Variants in UCK2 observed in about 807,000 individuals in gnomAD.
UCK2 encodes the protein uridine-cytidine kinase 2.
Under a neutral mutation model 30.8 loss-of-function variants are expected in UCK2, and 6 were observed. The observed-to-expected ratio is 0.19, with a 90% confidence interval of 0.11 to 0.38. The LOEUF is 0.38. Ranked by LOEUF, UCK2 falls within the 10% of genes least tolerant of loss-of-function variation. UCK2 has a pLI of 1.00. For missense variants in UCK2, 210 were observed against 339.8 expected (o/e 0.62, Z 3.00); for synonymous variants, 125 against 133.6 (o/e 0.94, Z 0.45).
At chr1:165,829,714 A>G (rs1319850686) in intron 1 of UCK2, among the ~76,000 whole-genome samples, 1 of 152,176 alleles carries the variant, frequency 6.6e-6, no homozygotes, top group East Asian at 1.9e-4. Context: ...TACTTGGGTA[A>G]AGTGAGGGAT....
chr1:165,888,435 G>T (rs1655677167), intron 1 of UCK2, among the ~76,000 whole-genome samples: 1 of 151,950 alleles, frequency 6.6e-6, no homozygotes, highest in South Asian at 2.1e-4. Context: ...GGGACTACAG[G>T]CATGTGCCAC....
At chr1:165,872,218 G>A (rs1655213724) in intron 1 of UCK2, among the ~76,000 whole-genome samples, 1 of 152,144 alleles carries the variant, frequency 6.6e-6, no homozygotes, top group African/African-American at 2.4e-5. Context: ...GGGATCATAG[G>A]TGTGTGCCAC....
chr1:165,899,907 G>A (rs1285930352), intron 4 of UCK2, among the ~76,000 whole-genome samples: 1 of 152,180 alleles, frequency 6.6e-6, no homozygotes, highest in Non-Finnish European at 1.5e-5. Flanking sequence ...GGGGAGCAGA[G>A]GTGGGCAAGG....
chr1:165,871,467 T>C (rs1655195330), intron 1 of UCK2, among the ~76,000 whole-genome samples: 1 of 152,126 alleles, frequency 6.6e-6, no homozygotes, highest in African/African-American at 2.4e-5. Flanking sequence ...CTGCAGGTCT[T>C]TTGTAACGCT....
At chr1:165,904,625 G>A (rs1166274819) in intron 5 of UCK2, among the ~76,000 whole-genome samples, 1 of 152,216 alleles carries the variant, frequency 6.6e-6, no homozygotes, top group Non-Finnish European at 1.5e-5. Context: ...CCACTGTCCA[G>A]CCACTCTTTG....
rs1336496227 is a variant in UCK2 at position 165,861,634 on chromosome 1, AAAAAAAAAAAAAAAAC to A, written c.100-28560_100-28545del. On this transcript the variant is annotated intron_variant, in intron 1 of 6. Coordinates refer to ENST00000367879, the MANE Select transcript of UCK2 (RefSeq NM_012474.5). ...CAGAGCGAGACTCCGTCTCAAAAAA[AAAAAAAAAAAAAAAAC>A]AAAAAAAAACAACAGTAAAACTCAA... Among the ~76,000 whole-genome samples the A allele has an allele frequency of 1.8e-3, 180 of 97,392 alleles. 9 individuals are homozygous for A. The East Asian group carries it at 0.024, about 13-fold the overall frequency. The allele number at this position is 97,392 out of a possible 152,430, so 63.9% of individuals were successfully genotyped here. A position where few individuals can be genotyped will look rare whatever the true frequency, so the allele number is the denominator to read the frequency against.
At chr1:165,874,347 C>T (rs989156091) in intron 1 of UCK2, among the ~76,000 whole-genome samples, 2 of 152,098 alleles carry the variant, frequency 1.3e-5, no homozygotes, top group Admixed American at 6.5e-5. Context: ...AGAAAAGACC[C>T]GGAGGTATCA....
At position 165,891,460 on chromosome 1, in the gene UCK2, G is replaced by T. The variant is rs1416672797; in HGVS notation, c.356+138G>T. 7.6e-5 allele frequency: 55 copies of T among 721,864 alleles called. 1 individual carries two copies. The highest frequency in any genetic ancestry group is 7.1e-5 in the African/African-American group (4 of 56,140). 44.7% of individuals were successfully genotyped at this position (721,864 alleles called of 1,614,324 possible). A position where few individuals can be genotyped will look rare whatever the true frequency, so the allele number is the denominator to read the frequency against. On this transcript the variant is annotated intron_variant, in intron 3 of 6. Transcript: ENST00000367879. ...TGCCTAATGCCATTCCAGCTGGTCA[G>T]TGGAGTGGGTGGTGGCAGCAGTGTG...
At chr1:165,877,606 T>G (rs535936065) in intron 1 of UCK2, among the ~76,000 whole-genome samples, 20 of 152,232 alleles carry the variant, frequency 1.3e-4, no homozygotes, top group Non-Finnish European at 2.4e-4. Context: ...TCATTCGTTT[T>G]TATTGCTGAG....
chr1:165,900,912 C>T (rs1404376431), intron 4 of UCK2, among the ~76,000 whole-genome samples: 2 of 152,212 alleles, frequency 1.3e-5, no homozygotes, highest in African/African-American at 2.4e-5. Context: ...TTTTCCCTAG[C>T]TCTGATACCC....
chr1:165,907,967 TC>T lies in UCK2; in HGVS notation c.*145del. On this transcript the variant is annotated 3_prime_UTR_variant, in exon 7 of 7. Transcript: ENST00000367879. ...GATGAAATGCCTTTGATTTTTTTTT[TC>T]TTTTTGTACTTTGGAACGACAAAAT... The T allele has an allele frequency of 7.9e-7, 1 of 1,264,178 alleles. No homozygotes were observed. The highest frequency in any genetic ancestry group is 2.6e-5 in the East Asian group (1 of 37,934). The allele number at this position is 1,264,178 out of a possible 1,614,324, so 78.3% of individuals were successfully genotyped here. A position where few individuals can be genotyped will look rare whatever the true frequency, so the allele number is the denominator to read the frequency against.
chr1:165,863,255 G>A (rs1443313321), intron 1 of UCK2, among the ~76,000 whole-genome samples: 1 of 152,240 alleles, frequency 6.6e-6, no homozygotes, highest in Non-Finnish European at 1.5e-5. Context: ...TCTGCACAGA[G>A]TGGGCAGCTT....
intron 1 of UCK2, among the ~76,000 whole-genome samples, chr1:165,882,224 T>G (rs1021588151): frequency 6.6e-6 from 1 of 152,208 alleles, no homozygotes; most frequent in East Asian, 1.9e-4. Context: ...CCCTACCCTT[T>G]AAAACTCACA....
At chr1:165,885,280 G>C (rs575728819) in intron 1 of UCK2, 2 of 397,516 alleles carry the variant, frequency 5.0e-6, no homozygotes, top group African/African-American at 2.1e-5. Context: ...CATTTCACGT[G>C]ATCAATTTTC....
intron 1 of UCK2, among the ~76,000 whole-genome samples, chr1:165,843,185 A>G (rs1654372044): frequency 6.6e-6 from 1 of 151,566 alleles, no homozygotes; most frequent in South Asian, 2.1e-4. Context: ...AGAATATTGT[A>G]GCTGCTCAAA....
In UCK2 at chr1:165,861,657, AAACAAC is replaced by A. The variant is rs1156996817; in HGVS notation, c.100-28545_100-28540del. ...AAAAAAAAAAAAAAAAAACAAAAAA[AAACAAC>A]AGTAAAACTCAATAGCTCTGGTTTA... On this transcript the variant is annotated intron_variant, in intron 1 of 6. Transcript: ENST00000367879. Among the ~76,000 whole-genome samples, 26 of 55,796 alleles carry A rather than the reference AAACAAC, an allele frequency of 4.7e-4. 5 individuals carry two copies. Among genetic ancestry groups the A allele is most frequent in the African/African-American group, 1.4e-3 (19 of 13,150 alleles). 36.6% of individuals were successfully genotyped at this position (55,796 alleles called of 152,430 possible). A position where few individuals can be genotyped will look rare whatever the true frequency, so the allele number is the denominator to read the frequency against.
At chr1:165,844,690 G>A (rs561375601) in intron 1 of UCK2, among the ~76,000 whole-genome samples, 8 of 152,276 alleles carry the variant, frequency 5.3e-5, no homozygotes, top group African/African-American at 1.7e-4. Flanking sequence ...AGAGGGAGAG[G>A]GGGGCTGAAG....
At chr1:165,828,334 G>A (rs1219602118) in intron 1 of UCK2, among the ~76,000 whole-genome samples, 1 of 152,172 alleles carries the variant, frequency 6.6e-6, no homozygotes, top group African/African-American at 2.4e-5. Context: ...CTCAAGCCCC[G>A]GTCTGGCACA....
At chr1:165,901,077 T>A (rs557539081) in intron 4 of UCK2, among the ~76,000 whole-genome samples, 10 of 152,278 alleles carry the variant, frequency 6.6e-5, no homozygotes, top group African/African-American at 2.4e-4. Context: ...TGGCAGCTCC[T>A]TAGGGCTCCT....
Sources: gnomAD v4.1 joint callset for allele counts (sites outside exome capture counted in the v4.1 genomes callset) on GRCh38, gnomAD v4.1.1 for gene constraint, MANE v1.5 for transcripts, NCBI Gene and HGNC (gene_info 2026-07-23, HGNC 2026-07-21) for gene names.